Variants in CCDC138 observed in about 807,000 individuals in gnomAD.
CCDC138 encodes the protein coiled-coil domain containing 138.
In CCDC138, 66 loss-of-function variants were observed where a neutral mutation model predicts 82.3. The observed-to-expected ratio is 0.80, with a 90% CI of 0.66 to 0.98. CCDC138 has a LOEUF of 0.98. Among genes scored for constraint, CCDC138 ranks in the 50% least tolerant of loss-of-function variants. The probability of loss-of-function intolerance (pLI) is 0.00; values close to 1 mark genes in which losing one functional copy is unlikely to be tolerated. For synonymous variants in CCDC138, 297 were observed against 265.4 expected, an observed-to-expected ratio of 1.12 and a Z score of -1.16; for missense variants, 816 against 758.9, an observed-to-expected ratio of 1.08 and a Z score of -0.88.
intron 10 of CCDC138, among the ~76,000 whole-genome samples, chr2:108,829,567 G>A (rs1687199888): frequency 6.6e-6 from 1 of 152,200 alleles, no homozygotes; most frequent in South Asian, 2.1e-4. Flanking sequence ...CCAACATGGG[G>A]GAACCCCATC....
chr2:108,833,800 T>G (rs1354817887), intron 10 of CCDC138, among the ~76,000 whole-genome samples: 1 of 147,966 alleles, frequency 6.8e-6, no homozygotes, highest in Non-Finnish European at 1.5e-5. Flanking sequence ...TGATCTCGGC[T>G]CACTGCAAGC....
intron 11 of CCDC138, among the ~76,000 whole-genome samples, chr2:108,843,876 G>GTGTGTGTGTGTGTGTGTT (rs1187530203): frequency 0.034 from 471 of 13,718 alleles, 6 homozygotes; most frequent in African/African-American, 0.043. Context: ...GTGTGTGTGT[G>GTGTGTGTGTGTGTGTGTT]TGTTTCTTTC....
intron 10 of CCDC138, among the ~76,000 whole-genome samples, chr2:108,821,038 T>TG (rs1403864042): frequency 6.6e-6 from 1 of 152,068 alleles, no homozygotes; most frequent in African/African-American, 2.4e-5. Flanking sequence ...TGTAAGTCTA[T>TG]GTTAGGGGTT....
At chr2:108,856,533 A>T (rs1023878959) in intron 12 of CCDC138, among the ~76,000 whole-genome samples, 1 of 152,242 alleles carries the variant, frequency 6.6e-6, no homozygotes, top group Non-Finnish European at 1.5e-5. Context: ...CTTCCTTAGT[A>T]TTAAAAAATG....
At chr2:108,793,389 A>T (rs902406255) in intron 4 of CCDC138, among the ~76,000 whole-genome samples, 4 of 152,036 alleles carry the variant, frequency 2.6e-5, no homozygotes, top group Non-Finnish European at 5.9e-5. Flanking sequence ...TTTATACTCT[A>T]ATTGTTAAAA....
chr2:108,786,788 G>T lies in CCDC138; in HGVS notation c.-35G>T, dbSNP rs760088985. 2 of 1,553,598 alleles carry T rather than the reference G, an allele frequency of 1.3e-6. No homozygotes were observed. The highest frequency in any genetic ancestry group is 1.7e-6 in the Non-Finnish European group (2 of 1,143,760). ...GTAGCGCCGCGGGTTTGATGAACGC[G>T]GTTCCCGGGGAGACTGGTACGGTTG... On this transcript the variant is annotated 5_prime_UTR_variant, in exon 1 of 15. Transcript: ENST00000295124.
chr2:108,821,298 C>T (rs571250937), intron 10 of CCDC138, among the ~76,000 whole-genome samples: 1 of 152,204 alleles, frequency 6.6e-6, no homozygotes, highest in Non-Finnish European at 1.5e-5. Flanking sequence ...GCAGAGGTTG[C>T]AGTGAGCTGA....
chr2:108,809,448 T>TTGTGTGTGTGTG (rs56122981), intron 7 of CCDC138, among the ~76,000 whole-genome samples: 10 of 141,224 alleles, frequency 7.1e-5, no homozygotes, highest in South Asian at 4.7e-4. Context: ...ACATGAAATG[T>TTGTGTGTGTGTG]TGTGTGTGTG....
chr2:108,837,103 G>A (rs989743512), intron 10 of CCDC138, among the ~76,000 whole-genome samples: 2 of 152,142 alleles, frequency 1.3e-5, no homozygotes, highest in Admixed American at 6.5e-5. Flanking sequence ...TGGTGAGGGT[G>A]TGCTTGTCTT....
chr2:108,823,389 A>G (rs1686037391), intron 10 of CCDC138, among the ~76,000 whole-genome samples: 1 of 152,238 alleles, frequency 6.6e-6, no homozygotes, highest in Non-Finnish European at 1.5e-5. Flanking sequence ...CCTCAACAAA[A>G]TAGTACCAAA....
chr2:108,811,652 G>A (rs529146053), intron 7 of CCDC138, among the ~76,000 whole-genome samples: 17 of 152,162 alleles, frequency 1.1e-4, no homozygotes, highest in African/African-American at 3.4e-4. Context: ...TACATGTGCA[G>A]CTTTGTTACA....
At chr2:108,863,022 C>T (rs923356118) in intron 13 of CCDC138, among the ~76,000 whole-genome samples, 2 of 152,214 alleles carry the variant, frequency 1.3e-5, no homozygotes, top group African/African-American at 2.4e-5. Flanking sequence ...TTGTTCTACA[C>T]ATCTAGAACT....
At chr2:108,841,919 A>G (rs1689551358) in intron 11 of CCDC138, among the ~76,000 whole-genome samples, 1 of 152,132 alleles carries the variant, frequency 6.6e-6, no homozygotes, top group South Asian at 2.1e-4. Flanking sequence ...TAACTTTTCT[A>G]ATAGTTCTTC....
intron 6 of CCDC138, among the ~76,000 whole-genome samples, chr2:108,799,969 T>G (rs919011214): frequency 1.1e-4 from 16 of 152,214 alleles, no homozygotes; most frequent in Admixed American, 4.6e-4. Flanking sequence ...AATTTATTTT[T>G]GTTTTTCTCA....
chr2:108,885,352 T>C (rs1468978791), exon 3 of CCDC138: 2 of 152,222 alleles, frequency 1.3e-5, no homozygotes, highest in African/African-American at 4.8e-5. Context: ...AGCATGTGCA[T>C]CCAAATTTGA....
chr2:108,808,487 A>G (rs1470183090), intron 7 of CCDC138, among the ~76,000 whole-genome samples: 2 of 152,140 alleles, frequency 1.3e-5, no homozygotes, highest in Non-Finnish European at 2.9e-5. Context: ...CAACAATGTA[A>G]AAGAGTTTCC....
At chr2:108,844,218 G>C (rs1471068459) in intron 11 of CCDC138, among the ~76,000 whole-genome samples, 1 of 151,952 alleles carries the variant, frequency 6.6e-6, no homozygotes, top group Non-Finnish European at 1.5e-5. Flanking sequence ...CTAATGACGT[G>C]ATTTTAGATG....
chr2:108,826,640 C>T (rs973647326), intron 10 of CCDC138, among the ~76,000 whole-genome samples: 4 of 152,090 alleles, frequency 2.6e-5, no homozygotes, highest in Non-Finnish European at 4.4e-5. Context: ...GTGTCACACT[C>T]GATTCATTAC....
intron 12 of CCDC138, among the ~76,000 whole-genome samples, chr2:108,855,429 C>T (rs764916029): frequency 1.3e-5 from 2 of 151,574 alleles, no homozygotes; most frequent in African/African-American, 4.9e-5. Context: ...AACTTTTGTT[C>T]CTATAAAGAG....
Sources: gnomAD v4.1 joint callset for allele counts (sites outside exome capture counted in the v4.1 genomes callset) on GRCh38, gnomAD v4.1.1 for gene constraint, MANE v1.5 for transcripts, NCBI Gene and HGNC (gene_info 2026-07-23, HGNC 2026-07-21) for gene names.